Variants in KIAA1549L observed in about 807,000 individuals in gnomAD.
KIAA1549L encodes KIAA1549 like, also known as UPF0606 protein KIAA1549L.
Under a neutral mutation model 160.7 loss-of-function variants are expected in KIAA1549L, and 88 were observed. The observed-to-expected ratio is 0.55, with a 90% CI of 0.46 to 0.65. The LOEUF (loss-of-function observed/expected upper bound fraction) is 0.65, where lower values mean the gene tolerates loss of function less well. Ranked by LOEUF, KIAA1549L falls within the 30% of genes least tolerant of loss-of-function variation. KIAA1549L has a pLI of 0.00. For synonymous variants in KIAA1549L, 950 were observed against 976.7 expected (o/e 0.97, Z 0.51); for missense variants, 2,258 against 2,437.5 (o/e 0.93, Z 1.55).
chr11:33,499,719 G>A (rs1180846949), intron 1 of KIAA1549L, among the ~76,000 whole-genome samples: 1 of 152,070 alleles, frequency 6.6e-6, no homozygotes, highest in African/African-American at 2.4e-5. Context: ...CATTGTAATC[G>A]TTTTGGGTTG....
chr11:33,431,769 A>G (rs1851249380), intron 1 of KIAA1549L, among the ~76,000 whole-genome samples: 1 of 152,210 alleles, frequency 6.6e-6, no homozygotes, highest in Non-Finnish European at 1.5e-5. Context: ...TGGGTGGTCG[A>G]TGGGACTGGG....
intron 17 of KIAA1549L, among the ~76,000 whole-genome samples, chr11:33,653,133 G>A (rs1406887583): frequency 6.6e-6 from 1 of 152,154 alleles, no homozygotes. Context: ...AAATAGTTAC[G>A]TAACATGGCT....
At chr11:33,593,998 G>A (rs537690779) in intron 12 of KIAA1549L, among the ~76,000 whole-genome samples, 6 of 152,090 alleles carry the variant, frequency 3.9e-5, no homozygotes, top group Admixed American at 3.3e-4. Context: ...AGATGGGGAA[G>A]GATCAACAAA....
At chr11:33,488,581 T>C (rs938856733) in intron 1 of KIAA1549L, among the ~76,000 whole-genome samples, 2 of 152,130 alleles carry the variant, frequency 1.3e-5, no homozygotes, top group African/African-American at 4.8e-5. Context: ...CTATAGGAGG[T>C]AGATTCTATC....
chr11:33,660,543 C>T (rs1984865), intron 19 of KIAA1549L, among the ~76,000 whole-genome samples: 57,835 of 151,368 alleles, frequency 0.38, 11,305 homozygotes, highest in East Asian at 0.52. Context: ...CCAGCCTGGG[C>T]GACAGAGCGA....
At chr11:33,447,160 AGTGTT>A (rs1389155714) in intron 1 of KIAA1549L, among the ~76,000 whole-genome samples, 16 of 152,188 alleles carry the variant, frequency 1.1e-4, no homozygotes, top group Non-Finnish European at 2.9e-5. Context: ...GACAAAGGAG[AGTGTT>A]CAGGGCAGAA....
chr11:33,574,528 T>G (rs528098664), intron 9 of KIAA1549L, among the ~76,000 whole-genome samples, 174 bp from the exon 10 acceptor site: 22 of 152,372 alleles, frequency 1.4e-4, no homozygotes, highest in African/African-American at 5.3e-4. Context: ...CCCAGTCTCC[T>G]GCTCCAGCGA....
At chr11:33,433,438 A>G (rs1027173448) in intron 1 of KIAA1549L, among the ~76,000 whole-genome samples, 5 of 152,152 alleles carry the variant, frequency 3.3e-5, no homozygotes, top group Non-Finnish European at 1.5e-5. Context: ...GTCAGGAAAC[A>G]ATAGATGCTG....
chr11:33,523,070 G>A (rs139939437), intron 1 of KIAA1549L, among the ~76,000 whole-genome samples: 36 of 152,298 alleles, frequency 2.4e-4, no homozygotes, highest in South Asian at 2.1e-3. Flanking sequence ...GTCAGCCATG[G>A]AATGACAAAG....
chr11:33,619,294 T>G (rs1291920131), intron 16 of KIAA1549L, among the ~76,000 whole-genome samples: 3 of 152,226 alleles, frequency 2.0e-5, no homozygotes, highest in Admixed American at 6.5e-5. Context: ...TGTCCTGTGC[T>G]GAGAGGTACA....
At position 33,429,154 on chromosome 11, in the gene KIAA1549L, T is replaced by C. The variant is rs142453872; in HGVS notation, c.238+52265T>C. 4.3e-3 allele frequency among the ~76,000 whole-genome samples: 661 copies of C among 152,264 alleles called. 3 individuals are homozygous for C. The highest frequency in any genetic ancestry group is 0.014 in the African/African-American group (598 of 41,544). The stretch of plus-strand genomic sequence containing the variant: ...CCGCTGCTAATTTTTGTATTTTTGG[T>C]AGAGATGGGGTTTCACCATGTTGGC... On this transcript the variant is annotated intron_variant, in intron 1 of 20. Transcript: ENST00000658780.
chr11:33,630,096 C>CTCAGGGG (rs1554925728), intron 16 of KIAA1549L, among the ~76,000 whole-genome samples: 1 of 150,938 alleles, frequency 6.6e-6, no homozygotes, highest in Non-Finnish European at 1.5e-5. Flanking sequence ...ACTTAGGCTG[C>CTCAGGGG]TCAGGGGTCA....
intron 10 of KIAA1549L, among the ~76,000 whole-genome samples, chr11:33,580,597 G>GAAAAA (rs1855605687): frequency 7.3e-6 from 1 of 137,678 alleles, no homozygotes. Flanking sequence ...AAAAAGAAAA[G>GAAAAA]AAAAGAAAAA....
At chr11:33,529,619 A>G (rs1167296537) in intron 1 of KIAA1549L, among the ~76,000 whole-genome samples, 1 of 152,222 alleles carries the variant, frequency 6.6e-6, no homozygotes, top group Non-Finnish European at 1.5e-5. Flanking sequence ...CAATTGGATC[A>G]GGAACTCGGA....
intron 12 of KIAA1549L, among the ~76,000 whole-genome samples, chr11:33,593,242 C>T (rs1182353733): frequency 6.6e-6 from 1 of 152,096 alleles, no homozygotes; most frequent in African/African-American, 2.4e-5. Flanking sequence ...CCAACGTGGG[C>T]AACCAAGCAA....
intron 1 of KIAA1549L, among the ~76,000 whole-genome samples, chr11:33,459,960 CAAA>C (rs61580338): frequency 8.9e-5 from 6 of 67,210 alleles, no homozygotes; most frequent in South Asian, 1.2e-3. Flanking sequence ...GACTCCGTCT[CAAA>C]AAAAAAAAAA....
At chr11:33,657,332 C>A (rs1564945069) in intron 18 of KIAA1549L, among the ~76,000 whole-genome samples, 1 of 152,154 alleles carries the variant, frequency 6.6e-6, no homozygotes, top group Non-Finnish European at 1.5e-5. Flanking sequence ...CTTATTTCTT[C>A]TTTCAACCAC....
chr11:33,615,489 A>G (rs1002899156), intron 15 of KIAA1549L, among the ~76,000 whole-genome samples: 1 of 152,144 alleles, frequency 6.6e-6, no homozygotes, highest in African/African-American at 2.4e-5. Context: ...ACCTAATGGG[A>G]TGCTATCTTA....
intron 16 of KIAA1549L, among the ~76,000 whole-genome samples, chr11:33,622,279 A>G (rs868269846): frequency 3.9e-5 from 6 of 152,188 alleles, no homozygotes; most frequent in African/African-American, 1.4e-4. Flanking sequence ...GACCCAAAAA[A>G]TGACTATTAG....
Sources: gnomAD v4.1 joint callset for allele counts (sites outside exome capture counted in the v4.1 genomes callset) on GRCh38, gnomAD v4.1.1 for gene constraint, MANE v1.5 for transcripts, NCBI Gene and HGNC (gene_info 2026-07-23, HGNC 2026-07-21) for gene names.